MBD5: variants seen among roughly 807,000 people sequenced by gnomAD.
MBD5 encodes methyl-CpG-binding domain protein 5.
In MBD5, 13 loss-of-function variants were observed where a neutral mutation model predicts 117.3. The observed-to-expected ratio is 0.11, with a 90% CI of 0.07 to 0.18. The LOEUF is 0.18. Among genes scored for constraint, MBD5 ranks in the 10% least tolerant of loss-of-function variants. MBD5 has a pLI of 1.00. For synonymous variants in MBD5, 727 were observed against 766.4 expected (o/e 0.95, Z 0.85); for missense variants, 1,879 against 2,093.8 (o/e 0.90, Z 2.00).
intron 1 of MBD5, among the ~76,000 whole-genome samples, chr2:148,154,233 C>T (rs537241263): frequency 1.2e-4 from 18 of 152,106 alleles, no homozygotes; most frequent in Non-Finnish European, 1.3e-4. Context: ...TGGGGGGTGC[C>T]TCCCAGTTAG....
chr2:148,342,753 A>T (rs1226164389), intron 4 of MBD5, among the ~76,000 whole-genome samples: 4 of 151,732 alleles, frequency 2.6e-5, no homozygotes, highest in South Asian at 2.1e-4. Flanking sequence ...CAGCCTTTTT[A>T]AAAAAAATTT....
chr2:148,259,142 G>A (rs1700671131), intron 3 of MBD5, among the ~76,000 whole-genome samples: 1 of 152,146 alleles, frequency 6.6e-6, no homozygotes, highest in Non-Finnish European at 1.5e-5. Context: ...ACAGTTTCAG[G>A]TATTTCACCA....
At position 148,468,991 on chromosome 2, in the gene MBD5, C is replaced by T; in HGVS notation, c.1048C>T (p.Pro350Ser). Residue 350 changes from proline (P) to serine (S), a missense_variant, in exon 8 of 14, where the codon CCA (proline) becomes TCA (serine). By Grantham distance (74) the Pro-to-Ser change is moderately conservative (BLOSUM62 -1). Coordinates refer to ENST00000642680, the MANE Select transcript of MBD5 (RefSeq NM_001378120.1). Reference protein sequence around the residue: ...PPPSCALQKKPLTSEKDPLGI... With the variant: ...PPPSCALQKKSLTSEKDPLGI... Reference sequence around the variant, plus strand: ...ACCTTCTTGTGCTCTTCAGAAAAAGCCATTAACATCTGAGAAAGATCCACT... The same window carrying T: ...ACCTTCTTGTGCTCTTCAGAAAAAGTCATTAACATCTGAGAAAGATCCACT... 6.2e-7 allele frequency: 1 copy of T among 1,613,826 alleles called. No individual in the cohort carries two copies. The highest frequency in any genetic ancestry group is 8.5e-7 in the Non-Finnish European group (1 of 1,179,920).
intron 3 of MBD5, among the ~76,000 whole-genome samples, chr2:148,283,464 G>T (rs1303518436): frequency 6.6e-6 from 1 of 152,140 alleles, no homozygotes; most frequent in Non-Finnish European, 1.5e-5. Flanking sequence ...TTCAGTCACA[G>T]CATACAATAT....
chr2:148,051,814 A>G (rs566033641), intron 1 of MBD5, among the ~76,000 whole-genome samples: 2 of 152,166 alleles, frequency 1.3e-5, no homozygotes, highest in Admixed American at 6.5e-5. Flanking sequence ...CTATTGATCT[A>G]TAGTTTTCTT....
chr2:148,412,549 A>G (rs1435327314), intron 4 of MBD5, among the ~76,000 whole-genome samples: 1 of 152,080 alleles, frequency 6.6e-6, no homozygotes, highest in Non-Finnish European at 1.5e-5. Context: ...TGTTTCTGGT[A>G]GTATGGCCAT....
intron 4 of MBD5, among the ~76,000 whole-genome samples, chr2:148,345,438 TGTATATAC>T (rs1574315374): frequency 6.9e-5 from 6 of 87,076 alleles, no homozygotes; most frequent in East Asian, 2.7e-4. Context: ...CATATACATA[TGTATATAC>T]ACATACACAT....
intron 1 of MBD5, among the ~76,000 whole-genome samples, chr2:148,170,133 G>C (rs1280147221): frequency 6.6e-6 from 1 of 152,128 alleles, no homozygotes; most frequent in African/African-American, 2.4e-5. Flanking sequence ...TCCTGACCTC[G>C]TGATCTGCCC....
chr2:148,175,846 A>G (rs1392115300), intron 1 of MBD5, among the ~76,000 whole-genome samples: 2 of 152,308 alleles, frequency 1.3e-5, no homozygotes, highest in East Asian at 3.9e-4. Flanking sequence ...GATTGTTGTG[A>G]GAATTAACTG....
At chr2:148,271,441 A>G (rs1700984117) in intron 3 of MBD5, among the ~76,000 whole-genome samples, 1 of 152,160 alleles carries the variant, frequency 6.6e-6, no homozygotes, top group Non-Finnish European at 1.5e-5. Flanking sequence ...TTATTTTCCC[A>G]AGACAATTAT....
At chr2:148,350,291 T>C (rs1017136378) in intron 4 of MBD5, among the ~76,000 whole-genome samples, 23 of 152,086 alleles carry the variant, frequency 1.5e-4, no homozygotes, top group African/African-American at 5.5e-4. Flanking sequence ...ACTTCATTTT[T>C]TGTTTAATTC....
intron 3 of MBD5, among the ~76,000 whole-genome samples, chr2:148,277,745 C>T (rs1701149325): frequency 6.6e-6 from 1 of 151,986 alleles, no homozygotes; most frequent in African/African-American, 2.4e-5. Flanking sequence ...CCTCTTTCTT[C>T]TTTCTTATAT....
At chr2:148,337,620 A>G (rs1016826131) in intron 3 of MBD5, among the ~76,000 whole-genome samples, 1 of 152,118 alleles carries the variant, frequency 6.6e-6, no homozygotes, top group Non-Finnish European at 1.5e-5. Context: ...CAAGACTGAG[A>G]GAGATTTTTT....
Position 148,426,096 on chromosome 2 carries a change from G to A in MBD5, c.-556-32107G>A, listed in dbSNP as rs929998604. The stretch of plus-strand genomic sequence containing the variant: ...ATACCTAGGAATCCAACTTACAAGG[G>A]ATGTGAAGGACCTCTTCAAGGAGAA... On this transcript the variant is annotated intron_variant, in intron 4 of 13. Transcript: ENST00000642680. Among the ~76,000 whole-genome samples the A allele has an allele frequency of 2.0e-5, 3 of 152,118 alleles. No individual in the cohort carries two copies. In the East Asian group the frequency reaches 5.8e-4, roughly 29 times the overall value.
chr2:148,202,977 C>A (rs1027566560), intron 2 of MBD5, among the ~76,000 whole-genome samples: 1 of 151,992 alleles, frequency 6.6e-6, no homozygotes, highest in African/African-American at 2.4e-5. Context: ...TGGTGGCAGG[C>A]ACCTGTAATA....
intron 11 of MBD5, among the ~76,000 whole-genome samples, chr2:148,500,321 T>C (rs1167839364): frequency 6.6e-6 from 1 of 152,066 alleles, no homozygotes; most frequent in Non-Finnish European, 1.5e-5. Context: ...ATATATAAAA[T>C]GACTACATTT....
chr2:148,227,279 T>A (rs2106112813), intron 2 of MBD5, among the ~76,000 whole-genome samples: 1 of 152,322 alleles, frequency 6.6e-6, no homozygotes. Context: ...CCATCTTGAA[T>A]TAATTTTTGT....
intron 1 of MBD5, among the ~76,000 whole-genome samples, chr2:148,075,905 C>A (rs1695497059): frequency 6.6e-6 from 1 of 151,988 alleles, no homozygotes; most frequent in South Asian, 2.1e-4. Context: ...GAATCGTATC[C>A]AGTTTTTTAT....
intron 1 of MBD5, among the ~76,000 whole-genome samples, chr2:148,078,813 C>A (rs569235729): frequency 6.6e-6 from 1 of 152,138 alleles, no homozygotes; most frequent in Non-Finnish European, 1.5e-5. Context: ...CTTCATGTAA[C>A]TGGATATCAT....
Sources: gnomAD v4.1 joint callset for allele counts (sites outside exome capture counted in the v4.1 genomes callset) on GRCh38, gnomAD v4.1.1 for gene constraint, MANE v1.5 for transcripts, NCBI Gene and HGNC (gene_info 2026-07-23, HGNC 2026-07-21) for gene names.